The following MMUT variants were observed in gnomAD, a reference collection of about 807,000 sequenced individuals.
MMUT encodes the protein methylmalonyl-CoA mutase.
MMUT carries 79 observed loss-of-function variants against 79.9 expected under a neutral mutation model. The ratio of observed to expected loss-of-function variants is 0.99; its 90% CI spans 0.82 to 1.19. The LOEUF is 1.19. MMUT is among the 50% of genes most tolerant of loss of function. The pLI is 0.00. For synonymous variants in MMUT, 273 were observed against 295.7 expected, an observed-to-expected ratio of 0.92 and a Z score of 0.79; for missense variants, 860 against 917.2, an observed-to-expected ratio of 0.94 and a Z score of 0.81.
rs140600746 is a variant in MMUT at position 49,435,481 on chromosome 6, A to T, written c.2099T>A (p.Met700Lys). 19 of 1,613,976 alleles carry T rather than the reference A, an allele frequency of 1.2e-5. No homozygotes were observed. Among genetic ancestry groups the T allele is most frequent in the Non-Finnish European group, 1.5e-5 (18 of 1,179,970 alleles). The change falls in exon 12 of 13, where the codon ATG (methionine) becomes AAG (lysine). Residue 700 changes from methionine (M) to lysine (K), a missense_variant. Physicochemically the swap from Met to Lys is moderately conservative, Grantham distance 95 (BLOSUM62 -1). Coordinates refer to ENST00000274813, the MANE Select transcript of MMUT (RefSeq NM_000255.4). ...NSLGRPDILV[M>K]CGGVIPPQDY... The stretch of plus-strand genomic sequence containing the variant: ...CTGAGGTGGTATCACCCCTCCACAC[A>T]TGACAAGAATATCTGGCCGTCCAAG...
intron 1 of MMUT, among the ~76,000 whole-genome samples, chr6:49,462,488 T>C (rs1767878911): frequency 6.6e-6 from 1 of 152,114 alleles, no homozygotes; most frequent in South Asian, 2.1e-4. Flanking sequence ...CATCAAGTGG[T>C]TTAAAACTTT....
Position 49,459,444 on chromosome 6 carries a change from A to G in MMUT, c.23T>C (p.Leu8Pro). 6.2e-7 allele frequency: 1 copy of G among 1,612,988 alleles called. No homozygotes were observed. The highest frequency in any genetic ancestry group is 8.5e-7 in the Non-Finnish European group (1 of 1,180,002). Reference sequence around the variant, plus strand: ...CAGGTAATGAGGTGAAAGTAAAAAAAGCTGATTCTTAGCTCTTAACATGGT... The same window carrying G: ...CAGGTAATGAGGTGAAAGTAAAAAAGGCTGATTCTTAGCTCTTAACATGGT... MLRAKNQ[L>P]FLLSPHYLRQ... is the part of the protein sequence containing the mutation. The change falls in exon 2 of 13, where the codon CTT becomes CCT. Residue 8 changes from leucine to proline, a missense_variant. Transcript: ENST00000274813.
chr6:49,433,816 T>C (rs1276837447), intron 12 of MMUT, among the ~76,000 whole-genome samples: 1 of 152,180 alleles, frequency 6.6e-6, no homozygotes, highest in Non-Finnish European at 1.5e-5. Context: ...ACATATTCAC[T>C]GCAAACAAAT....
At chr6:49,459,790 C>T (rs1767795299) in intron 1 of MMUT, among the ~76,000 whole-genome samples, 1 of 152,152 alleles carries the variant, frequency 6.6e-6, no homozygotes, top group Non-Finnish European at 1.5e-5. Context: ...CATACAATGA[C>T]ATCAATGTAA....
intron 2 of MMUT, 113 bp from the exon 3 acceptor site, chr6:49,458,171 T>C (rs766700850): frequency 3.8e-6 from 4 of 1,060,532 alleles, no homozygotes; most frequent in South Asian, 1.5e-5. Context: ...TACACTTTTA[T>C]AACAACTATT....
At chr6:49,432,943 T>C (rs1767024800) in intron 12 of MMUT, among the ~76,000 whole-genome samples, 2 of 152,110 alleles carry the variant, frequency 1.3e-5, no homozygotes, top group South Asian at 4.1e-4. Context: ...TATATGGTCA[T>C]GCTAATTACT....
rs992845074 is a variant in MMUT, at chr6:49,436,864, T to G, written c.1957-1241A>C. 7.9e-5 allele frequency among the ~76,000 whole-genome samples: 12 copies of G among 152,254 alleles called. No individual in the cohort carries two copies. The East Asian group carries it at 2.3e-3, about 29-fold the overall frequency. ...AAAACCAAATACCACATGTTCTTTCTTATAATTGGGAGCTAAATTATGAGA... is the reference window on the plus strand; with the variant it reads ...AAAACCAAATACCACATGTTCTTTCGTATAATTGGGAGCTAAATTATGAGA... On this transcript the variant is annotated intron_variant, in intron 11 of 12. Transcript: ENST00000274813.
Position 49,441,913 on chromosome 6 carries a change from T to C in MMUT, c.1735A>G (p.Asn579Asp). ...LKKVFGEHKANDRMVSGAYRQ... is the reference protein window; with the variant it reads ...LKKVFGEHKADDRMVSGAYRQ... Reference sequence around the variant, plus strand: ...TATGCTCCACTCACCATTCGATCATTCGCTTTATGTTCACCAAATACCTTT... The same window carrying C: ...TATGCTCCACTCACCATTCGATCATCCGCTTTATGTTCACCAAATACCTTT... Residue 579 changes from asparagine (N) to aspartate (D), a missense_variant, in exon 10 of 13, where the codon AAT becomes GAT. Transcript: ENST00000274813. The C allele has an allele frequency of 6.2e-7, 1 of 1,612,262 alleles. No individual in the cohort carries two copies. The highest frequency in any genetic ancestry group is 2.2e-5 in the East Asian group (1 of 44,714).
At chr6:49,432,774 T>C (rs1246162124) in intron 12 of MMUT, among the ~76,000 whole-genome samples, 1 of 152,174 alleles carries the variant, frequency 6.6e-6, no homozygotes, top group Non-Finnish European at 1.5e-5. Flanking sequence ...TTATAACATC[T>C]GAACATTTGT....
intron 7 of MMUT, among the ~76,000 whole-genome samples, chr6:49,448,517 T>A (rs2127417043): frequency 6.6e-6 from 1 of 152,146 alleles, no homozygotes; most frequent in East Asian, 1.9e-4. Flanking sequence ...AATACTCCAA[T>A]GCAGAGAACA....
rs776400008 is a variant in MMUT, at chr6:49,457,688, T to C, written c.753+3A>G. On this transcript the variant is annotated splice_donor_region_variant and intron_variant, in intron 3 of 12. Coordinates refer to ENST00000274813, the MANE Select transcript of MMUT (RefSeq NM_000255.4). ...AAAAACCTATAATAACCACAAAGTATACCTTTGCTGTATATTCAAATATGT... is the reference window on the plus strand; with the variant it reads ...AAAAACCTATAATAACCACAAAGTACACCTTTGCTGTATATTCAAATATGT... 4 of 1,608,190 alleles carry C rather than the reference T, an allele frequency of 2.5e-6. No individual in the cohort carries two copies. The highest frequency in any genetic ancestry group is 3.4e-6 in the Non-Finnish European group (4 of 1,177,820).
chr6:49,459,531 A>AGCGGAGCTTG, intron 1 of MMUT, 26 bp from the exon 2 acceptor site: 5 of 1,559,526 alleles, frequency 3.2e-6, no homozygotes, highest in Non-Finnish European at 4.3e-6. Context: ...TAGAGTAAAA[A>AGCGGAGCTTG]CATTTAGAAG....
rs1166374911 is a variant in MMUT, at chr6:49,435,635, G to A, written c.1957-12C>T. The A allele has an allele frequency of 1.9e-6, 3 of 1,611,084 alleles. No homozygotes were observed. Among genetic ancestry groups the A allele is most frequent in the Admixed American group, 1.7e-5 (1 of 59,632 alleles). ...ACTTCACGAGGAGTCTAAACAGTCA[G>A]AAAGTAAAGATAAATCATTGTTTAT... On this transcript the variant is annotated splice_polypyrimidine_tract_variant and intron_variant, in intron 11 of 12. Transcript: ENST00000274813.
At position 49,459,514 on chromosome 6, in the gene MMUT, A is replaced by G; in HGVS notation, c.-39-9T>C. Reference sequence around the variant, plus strand: ...TAGAAATAAGAACTGACCTAGAAAAAGAAACATAGAGTAAAAACATTTAGA... The same window carrying G: ...TAGAAATAAGAACTGACCTAGAAAAGGAAACATAGAGTAAAAACATTTAGA... On this transcript the variant is annotated splice_polypyrimidine_tract_variant and intron_variant, in intron 1 of 12. Coordinates refer to ENST00000274813, the MANE Select transcript of MMUT (RefSeq NM_000255.4). 6.3e-7 allele frequency: 1 copy of G among 1,589,454 alleles called. No individual in the cohort carries two copies. Among genetic ancestry groups the G allele is most frequent in the Admixed American group, 1.7e-5 (1 of 58,822 alleles).
intron 4 of MMUT, 141 bp from the exon 5 acceptor site, chr6:49,453,897 C>T (rs929707074): frequency 2.1e-5 from 14 of 661,046 alleles, no homozygotes; most frequent in East Asian, 5.7e-5. Context: ...GATCAGTGCA[C>T]GTACATTTAT....
intron 5 of MMUT, 82 bp from the exon 6 acceptor site, chr6:49,451,796 C>A (rs1385677985): frequency 1.2e-5 from 16 of 1,341,402 alleles, no homozygotes; most frequent in Non-Finnish European, 1.7e-5. Context: ...GATTAAACAG[C>A]AACTGCTGCA....
intron 12 of MMUT, among the ~76,000 whole-genome samples, chr6:49,434,577 A>G (rs1767075451): frequency 6.6e-6 from 1 of 152,120 alleles, no homozygotes; most frequent in Non-Finnish European, 1.5e-5. Context: ...CTAACTTGAC[A>G]TTTTTTCCAT....
At chr6:49,446,242 A>G (rs1767407643) in intron 8 of MMUT, among the ~76,000 whole-genome samples, 1 of 151,990 alleles carries the variant, frequency 6.6e-6, no homozygotes, top group Admixed American at 6.6e-5. Context: ...TTACCACCAC[A>G]GGTAAAATAT....
At chr6:49,432,019 T>C (rs1161001833) in intron 12 of MMUT, among the ~76,000 whole-genome samples, 163 bp from the exon 13 acceptor site, 4 of 152,174 alleles carry the variant, frequency 2.6e-5, no homozygotes, top group African/African-American at 7.2e-5. Context: ...GGAGTGCTAC[T>C]AATAGTCATC....
Sources: gnomAD v4.1 joint callset for allele counts (sites outside exome capture counted in the v4.1 genomes callset) on GRCh38, gnomAD v4.1.1 for gene constraint, MANE v1.5 for transcripts, NCBI Gene and HGNC (gene_info 2026-07-23, HGNC 2026-07-21) for gene names.